Variants in IL6ST observed in about 807,000 individuals in gnomAD.
IL6ST encodes the protein interleukin-6 receptor subunit beta.
In IL6ST, 24 loss-of-function variants were observed where a neutral mutation model predicts 91.3. That is an observed-to-expected ratio of 0.26 (90% CI 0.19 to 0.37). The LOEUF is 0.37. Ranked by LOEUF, IL6ST falls within the 10% of genes least tolerant of loss-of-function variation. IL6ST has a pLI of 1.00. For missense variants in IL6ST, 914 were observed against 1,078.5 expected (o/e 0.85, Z 2.14); for synonymous variants, 351 against 373.6 (o/e 0.94, Z 0.70).
intron 1 of IL6ST, among the ~76,000 whole-genome samples, chr5:55,987,235 C>G (rs558480945): frequency 6.6e-6 from 1 of 152,296 alleles, no homozygotes; most frequent in South Asian, 2.1e-4. Context: ...CATCTGGTAT[C>G]ATTTTCCTTG....
At chr5:55,945,778 G>A (rs1751211285) in intron 15 of IL6ST, among the ~76,000 whole-genome samples, 1 of 145,666 alleles carries the variant, frequency 6.9e-6, no homozygotes, top group Non-Finnish European at 1.5e-5. Flanking sequence ...AGCCTCCCGA[G>A]TAGCTGGGAT....
intron 15 of IL6ST, among the ~76,000 whole-genome samples, chr5:55,943,492 C>T (rs988914109): frequency 6.6e-6 from 1 of 152,088 alleles, no homozygotes; most frequent in Non-Finnish European, 1.5e-5. Flanking sequence ...ATTTTAAAAC[C>T]AGACAGATAA....
intron 5 of IL6ST, among the ~76,000 whole-genome samples, chr5:55,966,216 C>T (rs188180680): frequency 9.8e-4 from 149 of 152,236 alleles, no homozygotes; most frequent in Admixed American, 2.3e-3. Flanking sequence ...GATTAAATTT[C>T]GGAAACATTC....
intron 1 of IL6ST, among the ~76,000 whole-genome samples, chr5:55,993,923 G>A (rs1461527928): frequency 1.3e-5 from 2 of 152,048 alleles, no homozygotes; most frequent in South Asian, 2.1e-4. Context: ...TTACAGCACT[G>A]TCAAAAGCAA....
rs891471105 is a variant in IL6ST at position 55,965,494 on chromosome 5, T to TA, written c.492-1183dup. ...CCTAGCTCTTTCGACTGAAAAAATC[T>TA]AAAAAATCTAAAAACTATGACAAAC... On this transcript the variant is annotated intron_variant, in intron 5 of 16. Transcript: ENST00000381298. Among the ~76,000 whole-genome samples, 3 of 152,078 alleles carry TA rather than the reference T, an allele frequency of 2.0e-5. No homozygotes were observed. The South Asian group carries it at 6.2e-4, about 31-fold the overall frequency.
intron 15 of IL6ST, among the ~76,000 whole-genome samples, chr5:55,943,667 C>G (rs181057860): frequency 4.5e-4 from 69 of 152,152 alleles, no homozygotes; most frequent in African/African-American, 1.5e-3. Flanking sequence ...TCAATAGATT[C>G]AGAAAAAGCA....
At chr5:55,959,010 G>C (rs1752152823) in intron 8 of IL6ST, among the ~76,000 whole-genome samples, 1 of 151,730 alleles carries the variant, frequency 6.6e-6, no homozygotes, top group Non-Finnish European at 1.5e-5. Flanking sequence ...CACTCAAACA[G>C]AATAAAGAAC....
At chr5:55,973,708 A>G (rs1347528612) in intron 3 of IL6ST, among the ~76,000 whole-genome samples, 2 of 152,206 alleles carry the variant, frequency 1.3e-5, no homozygotes, top group African/African-American at 4.8e-5. Context: ...TCCTATACAA[A>G]TCATGAGAGG....
Position 55,942,688 on chromosome 5 carries a change from T to C in IL6ST, c.2001A>G (p.Ser667=). 1 of 1,602,240 alleles carries C rather than the reference T, an allele frequency of 6.2e-7. No individual in the cohort carries two copies. Among genetic ancestry groups the C allele is most frequent in the Non-Finnish European group, 8.5e-7 (1 of 1,170,394 alleles). ...CTCTTACCCTTGGAGGAGTGTGAGG[T>C]GACCACTGGGCAATATGACTCTTTG... ...DPSKSHIAQW[S]PHTPPRHNFN... Residue 667 remains serine, a synonymous_variant, in exon 16 of 17, where the codon TCA becomes TCG. Coordinates refer to ENST00000381298, the MANE Select transcript of IL6ST (RefSeq NM_002184.4).
chr5:55,947,190 A>G (rs141736546), intron 15 of IL6ST, among the ~76,000 whole-genome samples: 1 of 152,088 alleles, frequency 6.6e-6, no homozygotes, highest in African/African-American at 2.4e-5. Context: ...CAAGAGTGAA[A>G]CTCTGTCTCA....
At chr5:55,955,287 GTCTC>G (rs1751885663) in intron 10 of IL6ST, among the ~76,000 whole-genome samples, 2 of 152,088 alleles carry the variant, frequency 1.3e-5, no homozygotes, top group Non-Finnish European at 2.9e-5. Flanking sequence ...GTGAAACCCC[GTCTC>G]TACTAAAAAT....
chr5:55,951,165 T>C, intron 14 of IL6ST, among the ~76,000 whole-genome samples: 1 of 150,566 alleles, frequency 6.6e-6, no homozygotes, highest in East Asian at 2.0e-4. Flanking sequence ...AAGAAAGAAA[T>C]GAGGATAGAG....
At chr5:55,965,900 CAT>C (rs1367301394) in intron 5 of IL6ST, among the ~76,000 whole-genome samples, 1 of 149,734 alleles carries the variant, frequency 6.7e-6, no homozygotes, top group Non-Finnish European at 1.5e-5. Flanking sequence ...TGAGTTAAAA[CAT>C]ATCAAATATG....
At chr5:55,978,918 AAAGACATCTAC>A (rs1753478942) in intron 2 of IL6ST, among the ~76,000 whole-genome samples, 1 of 152,242 alleles carries the variant, frequency 6.6e-6, no homozygotes, top group African/African-American at 2.4e-5. Flanking sequence ...TAATACCTCC[AAAGACATCTAC>A]AAGAATGTTT....
At position 55,956,056 on chromosome 5, in the gene IL6ST, A is replaced by G. The variant is rs1418130802; in HGVS notation, c.1236T>C (p.Ala412=). 6.2e-7 allele frequency: 1 copy of G among 1,613,656 alleles called. No individual in the cohort carries two copies. The highest frequency in any genetic ancestry group is 8.5e-7 in the Non-Finnish European group (1 of 1,179,586). ...VRNLVGKSDA[A]VLTIPACDFQ... ...AGTCACAGGCAGGGATAGTTAAAAC[A>G]GCTGCATCTGATTTGCCAACAAGAT... The change falls in exon 10 of 17, where the codon GCT becomes GCC. Residue 412 remains alanine, a synonymous_variant. Transcript: ENST00000381298.
chr5:55,942,458 G>GAT (rs1347386126), intron 16 of IL6ST, among the ~76,000 whole-genome samples: 2 of 152,112 alleles, frequency 1.3e-5, no homozygotes, highest in African/African-American at 4.8e-5. Context: ...CTATGATGGT[G>GAT]ATAAAACCCC....
At chr5:55,971,700 T>C (rs1752975868) in intron 3 of IL6ST, among the ~76,000 whole-genome samples, 1 of 152,110 alleles carries the variant, frequency 6.6e-6, no homozygotes. Context: ...CACACGCCTG[T>C]AGTCCCAGCT....
At chr5:55,974,704 T>G (rs1342054984) in intron 3 of IL6ST, among the ~76,000 whole-genome samples, 1 of 152,158 alleles carries the variant, frequency 6.6e-6, no homozygotes, top group African/African-American at 2.4e-5. Context: ...CAGGCTAGTC[T>G]TGAACTCCTA....
rs551243088 is a variant in IL6ST at position 55,981,444 on chromosome 5, A to G, written c.-16+1280T>C. 2.6e-5 allele frequency among the ~76,000 whole-genome samples: 4 copies of G among 152,260 alleles called. No homozygotes were observed. In the South Asian group the frequency reaches 8.3e-4, roughly 32 times the overall value. On this transcript the variant is annotated intron_variant, in intron 2 of 16. Transcript: ENST00000381298. ...CGGATGACAAGGTCAGGAGTTCAAG[A>G]CGAGCCTAACCAATATGATGAAGCC... is the stretch of plus-strand genomic sequence containing the variant.
Sources: gnomAD v4.1 joint callset for allele counts (sites outside exome capture counted in the v4.1 genomes callset) on GRCh38, gnomAD v4.1.1 for gene constraint, MANE v1.5 for transcripts, NCBI Gene and HGNC (gene_info 2026-07-23, HGNC 2026-07-21) for gene names.